The following HIP1 variants were observed in gnomAD, a reference collection of about 807,000 sequenced individuals.
The protein encoded by HIP1 is huntingtin interacting protein 1, also known as huntingtin-interacting protein 1.
HIP1 carries 65 observed loss-of-function variants against 147.6 expected under a neutral mutation model. The observed-to-expected ratio is 0.44, with a 90% CI of 0.36 to 0.54. The LOEUF (loss-of-function observed/expected upper bound fraction) is 0.54. Among genes scored for constraint, HIP1 ranks in the 20% least tolerant of loss-of-function variants. HIP1 has a pLI of 0.00. For missense variants in HIP1, 1,061 were observed against 1,299.6 expected (o/e 0.82, Z 2.82); for synonymous variants, 479 against 504.0 (o/e 0.95, Z 0.67).
chr7:75,551,601 T>TCTGCAGAGTACACTCTGCAATTCA (rs1237486106), intron 22 of HIP1, among the ~76,000 whole-genome samples: 2 of 151,840 alleles, frequency 1.3e-5, no homozygotes, highest in Non-Finnish European at 2.9e-5. Context: ...GGTGAACCAC[T>TCTGCAGAGTACACTCTGCAATTCA]CTGCAGAGTA....
intron 1 of HIP1, among the ~76,000 whole-genome samples, chr7:75,653,973 C>T (rs1199212814): frequency 6.6e-6 from 1 of 152,146 alleles, no homozygotes; most frequent in African/African-American, 2.4e-5. Flanking sequence ...TCTGCAGTCT[C>T]GAAAACTAGT....
intron 1 of HIP1, among the ~76,000 whole-genome samples, chr7:75,658,870 G>A (rs1554513170): frequency 6.6e-6 from 1 of 152,078 alleles, no homozygotes; most frequent in African/African-American, 2.4e-5. Flanking sequence ...TTCCAGTGTG[G>A]GTGACAGAGT....
intron 7 of HIP1, among the ~76,000 whole-genome samples, chr7:75,578,229 C>T (rs587731831): frequency 6.6e-6 from 1 of 152,214 alleles, no homozygotes; most frequent in African/African-American, 2.4e-5. Context: ...ACCACAGCAG[C>T]GGGAGGCAGG....
intron 1 of HIP1, among the ~76,000 whole-genome samples, chr7:75,602,672 A>C (rs1797050813): frequency 6.6e-6 from 1 of 151,022 alleles, no homozygotes; most frequent in Non-Finnish European, 1.5e-5. Flanking sequence ...CCAGCTAATG[A>C]ATATGTTCTT....
chr7:75,676,763 T>A lies in HIP1; in HGVS notation c.120+62038A>T, dbSNP rs372283581. Among the ~76,000 whole-genome samples the A allele has an allele frequency of 2.0e-3, 266 of 132,308 alleles. 6 individuals are homozygous for A. In the South Asian group the frequency reaches 0.022, roughly 11 times the overall value. The allele number at this position is 132,308 out of a possible 152,430, so 86.8% of individuals were successfully genotyped here. A position where few individuals can be genotyped will look rare whatever the true frequency, so the allele number is the denominator to read the frequency against. On this transcript the variant is annotated intron_variant, in intron 1 of 30. Transcript: ENST00000336926. Reference sequence around the variant, plus strand: ...TGCACTCCAGCCTGGGCAAAAAGAATGAAACTCCATCTCAAAGAAAAAAAA... The same window carrying A: ...TGCACTCCAGCCTGGGCAAAAAGAAAGAAACTCCATCTCAAAGAAAAAAAA...
intron 1 of HIP1, among the ~76,000 whole-genome samples, chr7:75,695,358 G>T (rs555275838): frequency 4.9e-4 from 74 of 152,206 alleles, no homozygotes; most frequent in Middle Eastern, 3.4e-3. Flanking sequence ...GCTTGTACTT[G>T]GCTCATCTGG....
chr7:75,719,965 C>T (rs1226193364), intron 1 of HIP1, among the ~76,000 whole-genome samples: 35 of 152,056 alleles, frequency 2.3e-4, no homozygotes, highest in Admixed American at 1.4e-3. Flanking sequence ...TTCTAATCCT[C>T]GGCTTCCTCT....
chr7:75,559,690 G>C lies in HIP1; in HGVS notation c.1375+42C>G, dbSNP rs947297330. On this transcript the variant is annotated intron_variant, in intron 14 of 30. Transcript: ENST00000336926. ...AGTCCAGCTGGGCTCTGCTGCCCGC[G>C]CCTGCCCCCGGGGCCCGCCCCCGCC... The C allele has an allele frequency of 7.9e-6, 11 of 1,385,788 alleles. No individual in the cohort carries two copies. In the East Asian group the frequency reaches 2.4e-4, roughly 30 times the overall value. 85.8% of individuals were successfully genotyped at this position (1,385,788 alleles called of 1,614,324 possible). A position where few individuals can be genotyped will look rare whatever the true frequency, so the allele number is the denominator to read the frequency against.
At chr7:75,721,820 G>A (rs4392824) in intron 1 of HIP1, among the ~76,000 whole-genome samples, 22,557 of 152,272 alleles carry the variant, frequency 0.15, 1,837 homozygotes, top group Middle Eastern at 0.22. Flanking sequence ...CACAGAAGCT[G>A]TGTGCAGCCA....
chr7:75,623,236 C>T (rs1378856976), intron 1 of HIP1, among the ~76,000 whole-genome samples: 1 of 149,642 alleles, frequency 6.7e-6, no homozygotes, highest in Non-Finnish European at 1.5e-5. Context: ...AAAAGGCTCT[C>T]CCCCTCTGAT....
At position 75,670,786 on chromosome 7, in the gene HIP1, C is replaced by CT. The variant is rs782710876; in HGVS notation, c.120+68014dup. Among the ~76,000 whole-genome samples the CT allele has an allele frequency of 8.0e-4, 98 of 122,830 alleles. 1 individual carries two copies. Among genetic ancestry groups the CT allele is most frequent in the South Asian group, 4.9e-3 (18 of 3,692 alleles). 80.6% of individuals were successfully genotyped at this position (122,830 alleles called of 152,430 possible). A position where few individuals can be genotyped will look rare whatever the true frequency, so the allele number is the denominator to read the frequency against. ...GCTCACTGTACTCAGCTAATTAAAA[C>CT]TTTTTTTTTTTTTTTGGTAGAGATA... On this transcript the variant is annotated intron_variant, in intron 1 of 30. Coordinates refer to ENST00000336926, the MANE Select transcript of HIP1 (RefSeq NM_005338.7).
intron 1 of HIP1, among the ~76,000 whole-genome samples, chr7:75,692,759 A>G (rs1800505650): frequency 6.6e-6 from 1 of 152,050 alleles, no homozygotes; most frequent in African/African-American, 2.4e-5. Context: ...TTACCTAAGT[A>G]CTTTCTATCA....
intron 23 of HIP1, among the ~76,000 whole-genome samples, chr7:75,548,386 C>T (rs1554491424): frequency 6.6e-6 from 1 of 152,064 alleles, no homozygotes; most frequent in East Asian, 1.9e-4. Flanking sequence ...ATCACCTTCT[C>T]TCATGAGGAC....
At chr7:75,731,899 A>G (rs545341130) in intron 1 of HIP1, among the ~76,000 whole-genome samples, 5 of 152,214 alleles carry the variant, frequency 3.3e-5, no homozygotes, top group Admixed American at 2.6e-4. Flanking sequence ...CCCCATACCA[A>G]TGAGACAGAA....
chr7:75,576,906 T>C (rs1049512977), intron 7 of HIP1, among the ~76,000 whole-genome samples: 3 of 152,222 alleles, frequency 2.0e-5, no homozygotes, highest in African/African-American at 7.2e-5. Flanking sequence ...TGTGGCTTTC[T>C]GAAATATGCC....
At chr7:75,563,512 A>C in intron 9 of HIP1, 1 of 509,032 alleles carries the variant, frequency 2.0e-6, no homozygotes, top group Admixed American at 3.6e-5. Flanking sequence ...GATAATCAAA[A>C]AGCTAATTTC....
rs181850834 is a variant in HIP1 at position 75,715,374 on chromosome 7, G to C, written c.120+23427C>G. On this transcript the variant is annotated intron_variant, in intron 1 of 30. Transcript: ENST00000336926. ...CCAGTGCAATCCAGCCTGGGTGACA[G>C]AATGAGACCCTGAGAAAAAAAGGGT... is the stretch of plus-strand genomic sequence containing the variant. 5.9e-5 allele frequency among the ~76,000 whole-genome samples: 9 copies of C among 151,462 alleles called. No individual in the cohort carries two copies. In the East Asian group the frequency reaches 1.8e-3, roughly 29 times the overall value.
Position 75,539,444 on chromosome 7 carries a change from T to G in HIP1, c.2953-13A>C, listed in dbSNP as rs3757603. 0.83 allele frequency: 1,324,240 copies of G among 1,597,998 alleles called. 553,863 individuals carry two copies. Among genetic ancestry groups the G allele is most frequent in the Middle Eastern group, 0.89 (5,350 of 6,038 alleles). On this transcript the variant is annotated splice_polypyrimidine_tract_variant and intron_variant, in intron 29 of 30. Transcript: ENST00000336926. ...CTAGCACCCTAACCTGTAAGGGAAATTAAGTGGGATTTTCTCTTAATCATC... is the reference window on the plus strand; with the variant it reads ...CTAGCACCCTAACCTGTAAGGGAAAGTAAGTGGGATTTTCTCTTAATCATC...
At chr7:75,600,212 GC>G (rs1796924420) in intron 1 of HIP1, among the ~76,000 whole-genome samples, 1 of 152,044 alleles carries the variant, frequency 6.6e-6, no homozygotes, top group Admixed American at 6.6e-5. Flanking sequence ...CTGTGTTAAA[GC>G]AATTCTCCTG....
Sources: allele counts gnomAD v4.1 joint callset (sites outside exome capture counted in the v4.1 genomes callset), GRCh38; gene constraint gnomAD v4.1.1; transcripts MANE v1.5; gene names NCBI Gene and HGNC (gene_info 2026-07-23, HGNC 2026-07-21).